CAPRIN2: variants seen among roughly 807,000 people sequenced by gnomAD.
The protein encoded by CAPRIN2 is caprin-2.
CAPRIN2 carries 66 observed loss-of-function variants against 130.4 expected under a neutral mutation model. That is an observed-to-expected ratio of 0.51 (90% CI 0.42 to 0.62). CAPRIN2 has a LOEUF of 0.62. Ranked by LOEUF, CAPRIN2 falls within the 20% of genes least tolerant of loss-of-function variation. The probability of loss-of-function intolerance (pLI) is 0.00; values close to 1 mark genes in which losing one functional copy is unlikely to be tolerated. For missense variants in CAPRIN2, 1,185 were observed against 1,246.6 expected, an observed-to-expected ratio of 0.95 and a Z score of 0.74; for synonymous variants, 471 against 444.1, an observed-to-expected ratio of 1.06 and a Z score of -0.76.
At position 30,722,569 on chromosome 12, in the gene CAPRIN2, T is replaced by C. The variant is rs147632960; in HGVS notation, c.2043+690A>G. Among the ~76,000 whole-genome samples the C allele has an allele frequency of 3.9e-5, 6 of 152,172 alleles. No individual in the cohort carries two copies. The East Asian group carries it at 1.2e-3, about 29-fold the overall frequency. Reference sequence around the variant, plus strand: ...AAGCAGTCAGTGAATTGGAGGAAAGTAGGAAAAACCCCAATATACCCTGCT... The same window carrying C: ...AAGCAGTCAGTGAATTGGAGGAAAGCAGGAAAAACCCCAATATACCCTGCT... On this transcript the variant is annotated intron_variant, in intron 11 of 16. Transcript: ENST00000298892.
At chr12:30,753,500 T>G in exon 1 of CAPRIN2, 3 of 1,614,246 alleles carry the variant, frequency 1.9e-6, no homozygotes, top group Non-Finnish European at 2.5e-6. Context: ...TGTGGTTCAC[T>G]TGGGGCTTGG....
At chr12:30,749,774 AAATT>A (rs2072784620) in intron 2 of CAPRIN2, among the ~76,000 whole-genome samples, 1 of 152,234 alleles carries the variant, frequency 6.6e-6, no homozygotes, top group South Asian at 2.1e-4. Context: ...TTGGCAATAT[AAATT>A]GGGCAGCTGT....
intron 8 of CAPRIN2, among the ~76,000 whole-genome samples, chr12:30,728,029 T>G (rs1238771108): frequency 6.6e-6 from 1 of 152,210 alleles, no homozygotes; most frequent in Non-Finnish European, 1.5e-5. Flanking sequence ...GCATTTGCAT[T>G]ACTCACTTGT....
chr12:30,715,043 C>A, exon 14 of CAPRIN2: 2 of 1,614,032 alleles, frequency 1.2e-6, no homozygotes. Context: ...CGGCTATTGA[C>A]AAATGGCTGA....
Position 30,725,964 on chromosome 12 carries a change from A to G in CAPRIN2, c.1905+2T>C. 1 of 1,576,564 alleles carries G rather than the reference A, an allele frequency of 6.3e-7. No individual in the cohort carries two copies. Among genetic ancestry groups the G allele is most frequent in the East Asian group, 2.3e-5 (1 of 43,790 alleles). ...ATTTAAGATTTTGTAAATGACTCAT[A>G]CTTGCATAAAGTTACAAGTTCCTTG... On this transcript the variant is annotated splice_donor_variant, in intron 9 of 16. Transcript: ENST00000298892. LOFTEE classifies it high-confidence loss of function.
intron 6 of CAPRIN2, among the ~76,000 whole-genome samples, chr12:30,730,990 C>T (rs752303650): frequency 3.3e-5 from 5 of 152,124 alleles, no homozygotes; most frequent in Non-Finnish European, 7.4e-5. Flanking sequence ...ATCCTCATTC[C>T]ACTACAGTAC....
intron 3 of CAPRIN2, among the ~76,000 whole-genome samples, chr12:30,739,504 C>T (rs546442870): frequency 1.3e-5 from 2 of 152,280 alleles, no homozygotes; most frequent in East Asian, 3.9e-4. Flanking sequence ...ATCCCCATGA[C>T]ATGAGTTTAA....
chr12:30,737,486 C>T (rs988691197), intron 3 of CAPRIN2, among the ~76,000 whole-genome samples: 1 of 151,838 alleles, frequency 6.6e-6, no homozygotes, highest in South Asian at 2.1e-4. Context: ...ATTTCTCCTT[C>T]TTTAGATGAA....
At chr12:30,750,240 G>A (rs1313932911) in intron 2 of CAPRIN2, among the ~76,000 whole-genome samples, 1 of 152,120 alleles carries the variant, frequency 6.6e-6, no homozygotes, top group African/African-American at 2.4e-5. Flanking sequence ...GAGTCACTAT[G>A]GAATGGGAAA....
exon 8 of CAPRIN2, chr12:30,729,221 A>T (rs200687105): frequency 2.3e-5 from 37 of 1,613,454 alleles, no homozygotes; most frequent in Admixed American, 1.8e-4. Context: ...GCATATCCCA[A>T]CGTTTTGGGA....
At chr12:30,732,308 G>A (rs1235971264) in intron 5 of CAPRIN2, among the ~76,000 whole-genome samples, 6 of 151,808 alleles carry the variant, frequency 4.0e-5, no homozygotes, top group Admixed American at 3.9e-4. Flanking sequence ...CTTCATTTTA[G>A]TCTATTATTC....
exon 17 of CAPRIN2, chr12:30,709,766 CA>C: frequency 1.0e-6 from 1 of 1,004,524 alleles, no homozygotes; most frequent in Non-Finnish European, 1.4e-6. Context: ...GGAAGGAAAA[CA>C]AAAAAGTAAG....
In CAPRIN2 at chr12:30,714,945, T is replaced by C. The variant is rs571644352; in HGVS notation, c.2500+14A>G. 10 of 1,602,556 alleles carry C rather than the reference T, an allele frequency of 6.2e-6. No homozygotes were observed. The highest frequency in any genetic ancestry group is 5.0e-5 in the Admixed American group (3 of 59,714). ...AAAATAATTCAGTATAATTCAATTT[T>C]ATTCAGGGCATACCTTTATAACCAC... On this transcript the variant is annotated intron_variant, in intron 14 of 16. Coordinates refer to ENST00000298892, the Ensembl canonical transcript of CAPRIN2.
At chr12:30,713,880 C>G in exon 15 of CAPRIN2, 1 of 1,567,054 alleles carries the variant, frequency 6.4e-7, no homozygotes, top group Non-Finnish European at 8.8e-7. Flanking sequence ...CTATAAGTAT[C>G]AAAACCTAAT....
intron 12 of CAPRIN2, chr12:30,720,379 T>G (rs939010765): frequency 1.3e-5 from 2 of 156,092 alleles, no homozygotes; most frequent in East Asian, 3.7e-4. Context: ...CCACTGCATC[T>G]GACCGAAAAT....
intron 2 of CAPRIN2, among the ~76,000 whole-genome samples, chr12:30,746,964 A>C (rs1345665539): frequency 6.6e-6 from 1 of 152,184 alleles, no homozygotes; most frequent in Non-Finnish European, 1.5e-5. Flanking sequence ...GGACTTCCAT[A>C]ACTAGAGATG....
chr12:30,737,621 G>A (rs570233293), intron 3 of CAPRIN2, among the ~76,000 whole-genome samples: 137 of 133,704 alleles, frequency 1.0e-3, no homozygotes, highest in African/African-American at 3.1e-3. Context: ...TTTTTGAGAC[G>A]TAGTCTCACT....
At chr12:30,746,833 G>A (rs1160390793) in intron 2 of CAPRIN2, among the ~76,000 whole-genome samples, 3 of 152,240 alleles carry the variant, frequency 2.0e-5, no homozygotes, top group African/African-American at 2.4e-5. Context: ...AAGTGCTAAT[G>A]TAGAAGCTGC....
At chr12:30,754,492 C>G (rs1420365060) in exon 1 of CAPRIN2, 4 of 152,696 alleles carry the variant, frequency 2.6e-5, no homozygotes, top group Non-Finnish European at 5.8e-5. Flanking sequence ...CGAGCGGCCA[C>G]GGAGAGCCCT....
Sources: gnomAD v4.1 joint callset for allele counts (sites outside exome capture counted in the v4.1 genomes callset) on GRCh38, gnomAD v4.1.1 for gene constraint, MANE v1.5 for transcripts, NCBI Gene and HGNC (gene_info 2026-07-23, HGNC 2026-07-21) for gene names.